AOAH: variants seen among roughly 807,000 people sequenced by gnomAD.
AOAH encodes the protein acyloxyacyl hydrolase (neutrophil).
Under a neutral mutation model 92.2 loss-of-function variants are expected in AOAH, and 64 were observed. The ratio of observed to expected loss-of-function variants is 0.69; its 90% CI spans 0.57 to 0.86. The LOEUF is 0.86. AOAH is among the 40% of genes least tolerant of loss of function. The pLI, the probability that AOAH is intolerant of heterozygous loss-of-function variation, is 0.00. For synonymous variants in AOAH, 263 were observed against 254.5 expected (o/e 1.03, Z -0.32); for missense variants, 656 against 694.6 (o/e 0.94, Z 0.62).
At chr7:36,582,245 G>A (rs1000670678) in intron 12 of AOAH, among the ~76,000 whole-genome samples, 1 of 152,140 alleles carries the variant, frequency 6.6e-6, no homozygotes, top group African/African-American at 2.4e-5. Context: ...AATGTGCTAG[G>A]AGGAGGTGAC....
intron 3 of AOAH, among the ~76,000 whole-genome samples, chr7:36,664,735 T>G (rs1445504945): frequency 6.6e-6 from 1 of 152,194 alleles, no homozygotes; most frequent in Non-Finnish European, 1.5e-5. Context: ...TACTTGAGGC[T>G]GGGCAATTTA....
At chr7:36,568,026 G>A (rs115888409) in intron 13 of AOAH, among the ~76,000 whole-genome samples, 69 of 152,338 alleles carry the variant, frequency 4.5e-4, no homozygotes, top group African/African-American at 1.4e-3. Context: ...TGCATTGCAC[G>A]TGTACACATG....
chr7:36,660,348 C>A (rs1234821579), intron 3 of AOAH, among the ~76,000 whole-genome samples: 1 of 152,148 alleles, frequency 6.6e-6, no homozygotes, highest in Non-Finnish European at 1.5e-5. Flanking sequence ...CAGAGTCTTG[C>A]TCTGTCGCCC....
chr7:36,525,849 G>A (rs1420315986), intron 19 of AOAH, among the ~76,000 whole-genome samples: 13 of 152,190 alleles, frequency 8.5e-5, no homozygotes, highest in East Asian at 1.9e-4. Flanking sequence ...AATGAGAAGA[G>A]ATGACCATTC....
In AOAH at chr7:36,547,064, C is replaced by T. The variant is rs187578608; in HGVS notation, c.1133+1548G>A. ...AGAACAGGCAAGTTCCTTATCCTTGCCAAATCAGTTTTCCCATCTGTAAAA... is the reference window on the plus strand; with the variant it reads ...AGAACAGGCAAGTTCCTTATCCTTGTCAAATCAGTTTTCCCATCTGTAAAA... On this transcript the variant is annotated intron_variant, in intron 15 of 20. Transcript: ENST00000617537. 2.6e-4 allele frequency among the ~76,000 whole-genome samples: 39 copies of T among 152,338 alleles called. No homozygotes were observed. In the East Asian group the frequency reaches 2.9e-3, roughly 11 times the overall value.
intron 15 of AOAH, among the ~76,000 whole-genome samples, chr7:36,543,931 T>TTTC (rs1785590483): frequency 8.4e-6 from 1 of 118,898 alleles, no homozygotes; most frequent in Admixed American, 9.9e-5. Flanking sequence ...TCTTTTTCTT[T>TTTC]TTTCTTTCTT....
chr7:36,689,895 T>C (rs1321068908), intron 1 of AOAH, among the ~76,000 whole-genome samples: 1 of 152,234 alleles, frequency 6.6e-6, no homozygotes, highest in Non-Finnish European at 1.5e-5. Flanking sequence ...TGGGTGATCG[T>C]AGGGCATAAG....
At chr7:36,705,698 C>A (rs538341618) in intron 1 of AOAH, among the ~76,000 whole-genome samples, 2 of 152,258 alleles carry the variant, frequency 1.3e-5, no homozygotes, top group African/African-American at 4.8e-5. Flanking sequence ...GCAAAAAGAA[C>A]AAAGCTTGAG....
At chr7:36,681,498 G>A (rs1214075044) in intron 2 of AOAH, among the ~76,000 whole-genome samples, 9 of 152,128 alleles carry the variant, frequency 5.9e-5, no homozygotes, top group African/African-American at 1.9e-4. Flanking sequence ...GGTGGTGGAG[G>A]CAGCAGAATT....
intron 13 of AOAH, among the ~76,000 whole-genome samples, chr7:36,562,848 C>T (rs529045221): frequency 6.6e-6 from 1 of 151,992 alleles, no homozygotes; most frequent in African/African-American, 2.4e-5. Context: ...GATGGGAGAA[C>T]AGAATAAGAA....
At chr7:36,603,210 C>T (rs976785809) in intron 11 of AOAH, among the ~76,000 whole-genome samples, 5 of 152,086 alleles carry the variant, frequency 3.3e-5, no homozygotes, top group Admixed American at 1.3e-4. Context: ...GCTACTGTAG[C>T]TATTCAATGT....
intron 1 of AOAH, 51 bp from the exon 2 acceptor site, chr7:36,686,845 T>A (rs770108579): frequency 7.9e-7 from 1 of 1,259,198 alleles, no homozygotes. Context: ...AAAACTGAAC[T>A]GGAGGGACAG....
At chr7:36,699,267 G>A (rs1327620210) in intron 1 of AOAH, among the ~76,000 whole-genome samples, 1 of 152,018 alleles carries the variant, frequency 6.6e-6, no homozygotes, top group Non-Finnish European at 1.5e-5. Flanking sequence ...CAGTAAACAT[G>A]GGAGTTCAGA....
At chr7:36,523,623 T>G (rs1475081367) in intron 19 of AOAH, among the ~76,000 whole-genome samples, 1 of 121,978 alleles carries the variant, frequency 8.2e-6, no homozygotes, top group East Asian at 2.5e-4. Flanking sequence ...CTGGCCTGTT[T>G]TGCCTGTTTT....
intron 11 of AOAH, among the ~76,000 whole-genome samples, chr7:36,596,815 G>A (rs1264676096): frequency 6.6e-6 from 1 of 152,168 alleles, no homozygotes; most frequent in African/African-American, 2.4e-5. Context: ...TGATATGGCA[G>A]CCAAGGAAAC....
At chr7:36,608,018 A>G (rs1283553826) in intron 11 of AOAH, among the ~76,000 whole-genome samples, 1 of 152,224 alleles carries the variant, frequency 6.6e-6, no homozygotes, top group African/African-American at 2.4e-5. Context: ...AAGCCCTGTG[A>G]AGTCACCTTG....
chr7:36,573,067 C>T (rs1788244167), intron 13 of AOAH, among the ~76,000 whole-genome samples: 1 of 152,238 alleles, frequency 6.6e-6, no homozygotes, highest in African/African-American at 2.4e-5. Context: ...CCAAGCCACA[C>T]ACTAATTCCA....
chr7:36,514,349 A>T, intron 20 of AOAH: 1 of 648,866 alleles, frequency 1.5e-6, no homozygotes, highest in Non-Finnish European at 2.5e-6. Context: ...TGGGTCCCTG[A>T]CTGGGTGGGG....
intron 6 of AOAH, among the ~76,000 whole-genome samples, chr7:36,623,608 T>C (rs1188170761): frequency 6.6e-6 from 1 of 152,240 alleles, no homozygotes; most frequent in Non-Finnish European, 1.5e-5. Flanking sequence ...ATTGAATTTT[T>C]GCCATTTTGC....
Sources: gnomAD v4.1 joint callset for allele counts (sites outside exome capture counted in the v4.1 genomes callset) on GRCh38, gnomAD v4.1.1 for gene constraint, MANE v1.5 for transcripts, NCBI Gene and HGNC (gene_info 2026-07-23, HGNC 2026-07-21) for gene names.